Variants in KIF25 observed in about 807,000 individuals in gnomAD.
KIF25 encodes kinesin-like protein KIF25.
KIF25 carries 19 observed loss-of-function variants against 32.9 expected under a neutral mutation model. The observed-to-expected ratio is 0.58, with a 90% CI of 0.40 to 0.85. The LOEUF (loss-of-function observed/expected upper bound fraction) is 0.85. KIF25 is among the 40% of genes least tolerant of loss of function. The pLI is 0.00. For synonymous variants in KIF25, 225 were observed against 213.7 expected (o/e 1.05, Z -0.46); for missense variants, 485 against 507.0 (o/e 0.96, Z 0.42).
chr6:168,024,729 G>T (rs1333564982), intron 5 of KIF25, among the ~76,000 whole-genome samples: 2 of 152,044 alleles, frequency 1.3e-5, no homozygotes, highest in Non-Finnish European at 2.9e-5. Context: ...GCCAAGGCGG[G>T]TGGATCATCT....
chr6:168,016,873 C>G (rs533547530), intron 4 of KIF25, among the ~76,000 whole-genome samples: 1 of 152,192 alleles, frequency 6.6e-6, no homozygotes, highest in Non-Finnish European at 1.5e-5. Context: ...GAGGCACAGC[C>G]GAGGCTCTGT....
At chr6:168,019,503 A>G (rs1798759515) in intron 5 of KIF25, among the ~76,000 whole-genome samples, 1 of 152,172 alleles carries the variant, frequency 6.6e-6, no homozygotes, top group African/African-American at 2.4e-5. Context: ...ACTGGTTGGG[A>G]TGCAGGAGAA....
intron 2 of KIF25, among the ~76,000 whole-genome samples, chr6:168,000,352 C>T (rs1360877282): frequency 4.1e-4 from 55 of 133,366 alleles, no homozygotes; most frequent in African/African-American, 1.6e-3. Flanking sequence ...ACCTGGCCCT[C>T]CCCACTCCCA....
At chr6:168,011,556 G>A (rs1181327399) in intron 4 of KIF25, among the ~76,000 whole-genome samples, 1 of 152,160 alleles carries the variant, frequency 6.6e-6, no homozygotes, top group African/African-American at 2.4e-5. Flanking sequence ...TCTTTGCTGA[G>A]AAATCCACTG....
chr6:168,005,749 C>T (rs1487773843), intron 4 of KIF25, among the ~76,000 whole-genome samples: 1 of 152,154 alleles, frequency 6.6e-6, no homozygotes, highest in Non-Finnish European at 1.5e-5. Context: ...TCTCTCTCTT[C>T]ACATTTTTCT....
At position 168,027,333 on chromosome 6, in the gene KIF25, G is replaced by T. The variant is rs188134580; in HGVS notation, c.-94-2159G>T. ...CTGGACGTGGTGGCACACACCTGTA[G>T]TCCCAGCTACTTGAGAGGCTGAGGC... On this transcript the variant is annotated intron_variant, in intron 5 of 12. Transcript: ENST00000643607. 9.9e-5 allele frequency among the ~76,000 whole-genome samples: 15 copies of T among 151,808 alleles called. No homozygotes were observed. The East Asian group carries it at 2.9e-3, about 29-fold the overall frequency.
At chr6:167,999,579 G>A (rs1164386578) in intron 2 of KIF25, among the ~76,000 whole-genome samples, 1 of 152,196 alleles carries the variant, frequency 6.6e-6, no homozygotes, top group Admixed American at 6.5e-5. Context: ...GCACCTGAGA[G>A]GGCGTCCGTC....
chr6:168,032,598 G>A (rs368051141), intron 7 of KIF25, among the ~76,000 whole-genome samples: 3 of 152,296 alleles, frequency 2.0e-5, no homozygotes, highest in East Asian at 3.9e-4. Flanking sequence ...GACTCAAACC[G>A]TCAGCCCCAG....
In KIF25 at chr6:168,042,564, T is replaced by G. The variant is rs1799140887; in HGVS notation, c.833T>G (p.Val278Gly). 2 of 1,613,360 alleles carry G rather than the reference T, an allele frequency of 1.2e-6. No homozygotes were observed. Among genetic ancestry groups the G allele is most frequent in the Non-Finnish European group, 1.7e-6 (2 of 1,179,750 alleles). Residue 278 changes from valine (V) to glycine (G), a missense_variant, in exon 12 of 13, where the codon GTG becomes GGG. By Grantham distance (109) the Val-to-Gly change is moderately radical. Around this residue, in one of 2 missense-constraint regions of KIF25, gnomAD observed 480 missense variants for 470.3 expected, o/e 1.02. Transcript: ENST00000643607. ...VDSAGSECVG[V>G]SGVTGLALRE... ...GGTGCGTGGCGGTCCTGTCCAGGTG[T>G]GTCTGGAGTGACCGGGTTGGCCCTG... is the stretch of plus-strand genomic sequence containing the variant.
Position 168,042,616 on chromosome 6 carries a change from C to G in KIF25, c.885C>G (p.Ser295Arg), listed in dbSNP as rs773210209. ...GGGAGATGGCGTGCATCAGCCGCAGCCTTGCGGCCCTGGCAGGCGTCCTGG... is the reference window on the plus strand; with the variant it reads ...GGGAGATGGCGTGCATCAGCCGCAGGCTTGCGGCCCTGGCAGGCGTCCTGG... ...ALREMACISR[S>R]LAALAGVLGA... Residue 295 changes from serine to arginine, a missense_variant, in exon 12 of 13, where the codon AGC becomes AGG. Physicochemically the swap from Ser to Arg is moderately radical, Grantham distance 110. This residue lies in a region of KIF25 where 480 missense variants were observed against 470.3 expected (regional missense o/e 1.02). Transcript: ENST00000643607. 9.9e-6 allele frequency: 16 copies of G among 1,613,848 alleles called. No individual in the cohort carries two copies. The highest frequency in any genetic ancestry group is 6.7e-5 in the East Asian group (3 of 44,882).
rs2301527 is a variant in KIF25, at chr6:168,045,089, C to T, written c.*93C>T. On this transcript the variant is annotated 3_prime_UTR_variant, in exon 13 of 13. Transcript: ENST00000643607. Reference sequence around the variant, plus strand: ...GAAATAAACAGGTTTCACGTGGACTCAATAAACCTGGCTTTATTCCAAAGC... The same window carrying T: ...GAAATAAACAGGTTTCACGTGGACTTAATAAACCTGGCTTTATTCCAAAGC... 28,588 of 1,264,586 alleles carry T rather than the reference C, an allele frequency of 0.023. 888 individuals carry two copies. Among genetic ancestry groups the T allele is most frequent in the African/African-American group, 0.12 (7,740 of 65,682 alleles). 78.3% of individuals were successfully genotyped at this position (1,264,586 alleles called of 1,614,324 possible).
intron 5 of KIF25, among the ~76,000 whole-genome samples, chr6:168,022,686 T>C (rs1021542844): frequency 2.0e-4 from 31 of 152,078 alleles, no homozygotes; most frequent in Non-Finnish European, 3.7e-4. Context: ...CTGACTGTAG[T>C]GATTTATTTA....
chr6:168,044,720 G>T, intron 12 of KIF25, 107 bp from the exon 13 acceptor site: 1 of 1,183,272 alleles, frequency 8.5e-7, no homozygotes, highest in South Asian at 1.5e-5. Context: ...TGGGGCGCCG[G>T]GCGGCCCTCT....
At chr6:168,043,408 G>A (rs948365214) in intron 12 of KIF25, among the ~76,000 whole-genome samples, 5 of 152,158 alleles carry the variant, frequency 3.3e-5, no homozygotes, top group Non-Finnish European at 7.4e-5. Context: ...CACCACAGTC[G>A]GGGGGCTCCT....
At chr6:168,021,698 C>A in intron 5 of KIF25, among the ~76,000 whole-genome samples, 1 of 152,202 alleles carries the variant, frequency 6.6e-6, no homozygotes, top group Non-Finnish European at 1.5e-5. Context: ...GTCTCCCCTC[C>A]CTCAGCTGCT....
chr6:168,001,140 C>T (rs373205553), intron 2 of KIF25, among the ~76,000 whole-genome samples: 22 of 152,328 alleles, frequency 1.4e-4, no homozygotes, highest in Non-Finnish European at 2.4e-4. Flanking sequence ...CAGTGTGGCG[C>T]GGGACAGGCC....
At chr6:168,040,357 A>C in intron 10 of KIF25, 141 bp downstream of exon 10, 1 of 785,120 alleles carries the variant, frequency 1.3e-6, no homozygotes. Context: ...CCTGAGGTCA[A>C]GAGTTTGAGA....
intron 5 of KIF25, among the ~76,000 whole-genome samples, chr6:168,025,152 G>A (rs1393868304): frequency 6.6e-6 from 1 of 152,214 alleles, no homozygotes; most frequent in Non-Finnish European, 1.5e-5. Flanking sequence ...CAGCTCTGGA[G>A]GTTTAGGTGG....
In KIF25 at chr6:167,999,714, C is replaced by G. The variant is rs1385332565; in HGVS notation, c.-370+394C>G. Among the ~76,000 whole-genome samples the G allele has an allele frequency of 3.3e-5, 5 of 152,194 alleles. No homozygotes were observed. In the East Asian group the frequency reaches 9.6e-4, roughly 29 times the overall value. ...TTATGAACCCCAAAGACCACCCACT[C>G]CGCCATGCAGGCAGTCAGTGAGTAT... On this transcript the variant is annotated intron_variant, in intron 2 of 12. Coordinates refer to ENST00000643607, the MANE Select transcript of KIF25 (RefSeq NM_030615.4).
Sources: gnomAD v4.1 joint callset for allele counts (sites outside exome capture counted in the v4.1 genomes callset) on GRCh38, gnomAD v4.1.1 for gene constraint, gnomAD v4.1.1 regional missense constraint, MANE v1.5 for transcripts, NCBI Gene and HGNC (gene_info 2026-07-23, HGNC 2026-07-21) for gene names.